Variants in ARMC8 observed in about 807,000 individuals in gnomAD.
ARMC8 encodes armadillo repeat-containing protein 8.
ARMC8 carries 20 observed loss-of-function variants against 99.3 expected under a neutral mutation model. The ratio of observed to expected loss-of-function variants is 0.20; its 90% CI spans 0.14 to 0.29. ARMC8 has a LOEUF of 0.29. Ranked by LOEUF, ARMC8 falls within the 10% of genes least tolerant of loss-of-function variation. The pLI is 1.00. For missense variants in ARMC8, 569 were observed against 809.5 expected, an observed-to-expected ratio of 0.70 and a Z score of 3.60; for synonymous variants, 263 against 278.3, an observed-to-expected ratio of 0.95 and a Z score of 0.55.
chr3:138,196,194 T>C (rs951982306), intron 1 of ARMC8, among the ~76,000 whole-genome samples: 1 of 152,180 alleles, frequency 6.6e-6, no homozygotes, highest in Non-Finnish European at 1.5e-5. Flanking sequence ...GTCATGATGA[T>C]CATTATGATA....
At chr3:138,205,838 A>C (rs2044344347) in intron 1 of ARMC8, among the ~76,000 whole-genome samples, 1 of 152,180 alleles carries the variant, frequency 6.6e-6, no homozygotes, top group Non-Finnish European at 1.5e-5. Flanking sequence ...TATTTCCCTA[A>C]ACCCTCTAAT....
At chr3:138,259,446 C>T (rs752676216) in intron 12 of ARMC8, among the ~76,000 whole-genome samples, 5 of 152,210 alleles carry the variant, frequency 3.3e-5, no homozygotes, top group Non-Finnish European at 2.9e-5. Flanking sequence ...CTGGTTAGAT[C>T]ATATTGTCCA....
intron 16 of ARMC8, 54 bp downstream of exon 16, chr3:138,270,186 C>CT (rs1175707589): frequency 7.7e-7 from 1 of 1,294,806 alleles, no homozygotes; most frequent in African/African-American, 1.5e-5. Flanking sequence ...CAGCTATTGT[C>CT]TAAGTTAGAA....
chr3:138,216,759 C>T (rs2045067528), intron 2 of ARMC8, among the ~76,000 whole-genome samples: 1 of 152,120 alleles, frequency 6.6e-6, no homozygotes, highest in Non-Finnish European at 1.5e-5. Context: ...TTGTAGTTTT[C>T]AGTATCCAGT....
intron 15 of ARMC8, among the ~76,000 whole-genome samples, chr3:138,267,617 C>T (rs975354104): frequency 6.6e-6 from 1 of 152,100 alleles, no homozygotes; most frequent in Non-Finnish European, 1.5e-5. Context: ...TAAATCATTT[C>T]AAGGACATAA....
At chr3:138,211,221 G>T (rs1173028073) in intron 2 of ARMC8, among the ~76,000 whole-genome samples, 1 of 152,092 alleles carries the variant, frequency 6.6e-6, no homozygotes, top group Middle Eastern at 3.2e-3. Context: ...CATATAACCA[G>T]ATAGCTCCGT....
At chr3:138,258,350 G>T (rs2047505030) in intron 12 of ARMC8, among the ~76,000 whole-genome samples, 1 of 152,192 alleles carries the variant, frequency 6.6e-6, no homozygotes, top group Admixed American at 6.5e-5. Flanking sequence ...AGTTTGTCTT[G>T]TTTTTTCAAA....
At chr3:138,266,577 G>A (rs1490262635) in intron 14 of ARMC8, among the ~76,000 whole-genome samples, 1 of 152,098 alleles carries the variant, frequency 6.6e-6, no homozygotes, top group Non-Finnish European at 1.5e-5. Context: ...CTATCAAGGA[G>A]GTCTTATTTT....
intron 12 of ARMC8, among the ~76,000 whole-genome samples, chr3:138,256,835 G>C (rs79073349): frequency 0.031 from 4,698 of 152,114 alleles, 241 homozygotes; most frequent in African/African-American, 0.11. Flanking sequence ...ATTTTTTATA[G>C]TTCTTTTCCT....
chr3:138,200,411 A>G (rs181421969), intron 1 of ARMC8, among the ~76,000 whole-genome samples: 1 of 152,334 alleles, frequency 6.6e-6, no homozygotes, highest in African/African-American at 2.4e-5. Context: ...CATGAGTTAC[A>G]TTCTTGGAAA....
intron 12 of ARMC8, chr3:138,245,399 A>G: frequency 2.9e-6 from 4 of 1,390,314 alleles, no homozygotes; most frequent in South Asian, 1.8e-5. Flanking sequence ...CTGGAATGAC[A>G]AATAACTGGC....
chr3:138,188,397 A>T, intron 1 of ARMC8: 1 of 1,505,680 alleles, frequency 6.6e-7, no homozygotes, highest in South Asian at 1.3e-5. Context: ...TTTTTTAAAA[A>T]AAGTTTTTTT....
At chr3:138,254,294 A>G (rs111503598) in intron 12 of ARMC8, among the ~76,000 whole-genome samples, 4 of 152,358 alleles carry the variant, frequency 2.6e-5, no homozygotes, top group African/African-American at 9.6e-5. Context: ...TAAGCTATGT[A>G]AAAGCAGTAC....
At chr3:138,270,842 A>T (rs2048723187) in intron 16 of ARMC8, among the ~76,000 whole-genome samples, 2 of 152,216 alleles carry the variant, frequency 1.3e-5, no homozygotes, top group South Asian at 4.1e-4. Flanking sequence ...AATTTTCTTG[A>T]AATTGTAAAT....
intron 1 of ARMC8, among the ~76,000 whole-genome samples, chr3:138,190,355 C>T (rs1286299316): frequency 6.9e-6 from 1 of 143,948 alleles, no homozygotes; most frequent in African/African-American, 2.6e-5. Flanking sequence ...GGCGCAATCT[C>T]GACTCACTGC....
intron 19 of ARMC8, among the ~76,000 whole-genome samples, chr3:138,286,368 C>A (rs2050414238): frequency 6.6e-6 from 1 of 152,212 alleles, no homozygotes; most frequent in Non-Finnish European, 1.5e-5. Context: ...CTTAGGGCCA[C>A]CAATGACTTC....
intron 6 of ARMC8, among the ~76,000 whole-genome samples, chr3:138,231,786 G>GA (rs2046047021): frequency 1.3e-5 from 2 of 149,080 alleles, no homozygotes; most frequent in South Asian, 4.2e-4. Context: ...TCTCTGGGGG[G>GA]GGAAAAAAAA....
At chr3:138,190,263 G>T in intron 1 of ARMC8, among the ~76,000 whole-genome samples, 1 of 147,964 alleles carries the variant, frequency 6.8e-6, no homozygotes, top group East Asian at 2.0e-4. Flanking sequence ...TCAGAGTTGA[G>T]ATTCTTTATT....
At chr3:138,225,160 T>C in intron 5 of ARMC8, among the ~76,000 whole-genome samples, 1 of 136,510 alleles carries the variant, frequency 7.3e-6, no homozygotes, top group African/African-American at 2.8e-5. Context: ...GAGGCTGGAG[T>C]GCAGTGGAGG....
Sources: allele counts gnomAD v4.1 joint callset (sites outside exome capture counted in the v4.1 genomes callset), GRCh38; gene constraint gnomAD v4.1.1; transcripts MANE v1.5; gene names NCBI Gene and HGNC (gene_info 2026-07-23, HGNC 2026-07-21).